MMS19: variants seen among roughly 807,000 people sequenced by gnomAD.
MMS19 encodes the protein MMS19 cytosolic iron-sulfur assembly component, also known as MMS19 nucleotide excision repair protein homolog.
MMS19 carries 77 observed loss-of-function variants against 129.8 expected under a neutral mutation model. The observed-to-expected ratio is 0.59, with a 90% CI of 0.49 to 0.72. The LOEUF (loss-of-function observed/expected upper bound fraction) is 0.72. Ranked by LOEUF, MMS19 falls within the 30% of genes least tolerant of loss-of-function variation. The pLI, the probability that MMS19 is intolerant of heterozygous loss-of-function variation, is 0.00. For synonymous variants in MMS19, 491 were observed against 502.8 expected (o/e 0.98, Z 0.31); for missense variants, 1,168 against 1,266.3 (o/e 0.92, Z 1.18).
In MMS19 at chr10:97,470,196, A is replaced by G. The variant is rs1217945457; in HGVS notation, c.779T>C (p.Leu260Pro). 2.5e-6 allele frequency: 4 copies of G among 1,605,578 alleles called. No homozygotes were observed. Among genetic ancestry groups the G allele is most frequent in the Non-Finnish European group, 3.4e-6 (4 of 1,175,770 alleles). The change falls in exon 10 of 31, where the codon CTG becomes CCG. Residue 260 changes from leucine to proline, a missense_variant. Physicochemically the swap from Leu to Pro is moderately conservative, Grantham distance 98. Coordinates refer to ENST00000438925, the MANE Select transcript of MMS19 (RefSeq NM_022362.5). The part of the protein sequence containing the change: ...ASTPRFAEFL[L>P]PLLIEKVDSE... ...ATCCACTTTCTCAATCAACAGGGGCAGCAGAAACTGTGGGACAGAAGGAAG... is the reference window on the plus strand; with the variant it reads ...ATCCACTTTCTCAATCAACAGGGGCGGCAGAAACTGTGGGACAGAAGGAAG...
At chr10:97,480,388 CA>C (rs1243979362) in intron 3 of MMS19, 4 of 436,888 alleles carry the variant, frequency 9.2e-6, no homozygotes, top group South Asian at 3.3e-5. Context: ...AAAAACAAAA[CA>C]AAAAAACCAG....
chr10:97,474,195 A>C (rs2035318171), intron 8 of MMS19, among the ~76,000 whole-genome samples: 1 of 151,884 alleles, frequency 6.6e-6, no homozygotes, highest in Non-Finnish European at 1.5e-5. Flanking sequence ...TGAGCATATA[A>C]GCATAGTGAA....
chr10:97,496,073 G>A (rs956060905), intron 1 of MMS19, among the ~76,000 whole-genome samples: 2 of 152,206 alleles, frequency 1.3e-5, no homozygotes. Flanking sequence ...GAGCCACTGT[G>A]CCCACCACCA....
chr10:97,469,460 C>A (rs887428494), intron 11 of MMS19, among the ~76,000 whole-genome samples, 186 bp downstream of exon 11: 1 of 152,204 alleles, frequency 6.6e-6, no homozygotes, highest in Non-Finnish European at 1.5e-5. Flanking sequence ...AAGCAGCTGA[C>A]CGTCACATAG....
Position 97,477,614 on chromosome 10 carries a change from G to C in MMS19, c.424-198C>G, listed in dbSNP as rs149861239. On this transcript the variant is annotated intron_variant, in intron 5 of 30. Coordinates refer to ENST00000438925, the MANE Select transcript of MMS19 (RefSeq NM_022362.5). ...TGGTGCCAATAATTCAAACCTGCCT[G>C]ACAGAGGGATGCCTTACTTTCTGTA... Among the ~76,000 whole-genome samples the C allele has an allele frequency of 9.2e-5, 14 of 152,318 alleles. No individual in the cohort carries two copies. The East Asian group carries it at 2.7e-3, about 29-fold the overall frequency.
At position 97,459,409 on chromosome 10, in the gene MMS19, C is replaced by T; in HGVS notation, c.2857G>A (p.Asp953Asn). 1 of 1,606,414 alleles carries T rather than the reference C, an allele frequency of 6.2e-7. No individual in the cohort carries two copies. The part of the protein sequence containing the change: ...EAPQVMSLHV[D>N]TLVTKFLNLS... ...TTCAGAAACTTGGTGACGAGGGTGT[C>T]CACGTGAAGACTCATGACTTGGGGT... Residue 953 changes from aspartate to asparagine, a missense_variant, in exon 28 of 31, where the codon GAC becomes AAC. Transcript: ENST00000438925.
chr10:97,465,670 G>C (rs1589603595), intron 18 of MMS19, 135 bp downstream of exon 18: 1 of 846,126 alleles, frequency 1.2e-6, no homozygotes, highest in East Asian at 2.5e-5. Context: ...GTTGGACGCA[G>C]GCATCAGTAT....
intron 3 of MMS19, among the ~76,000 whole-genome samples, chr10:97,479,173 A>G (rs1441683565): frequency 1.3e-5 from 2 of 151,596 alleles, no homozygotes; most frequent in Non-Finnish European, 2.9e-5. Flanking sequence ...ACTCTCCGCT[A>G]CTTAAAACCA....
chr10:97,467,007 A>AGG (rs1216518719), intron 14 of MMS19, 106 bp from the exon 15 acceptor site: 4 of 1,309,986 alleles, frequency 3.1e-6, no homozygotes, highest in Non-Finnish European at 4.2e-6. Flanking sequence ...TTTTGAGACA[A>AGG]GGCCTCTGTT....
chr10:97,482,948 G>A (rs1286891181), intron 2 of MMS19, among the ~76,000 whole-genome samples: 3 of 151,972 alleles, frequency 2.0e-5, no homozygotes, highest in Non-Finnish European at 4.4e-5. Flanking sequence ...TTTTAGTAGA[G>A]ATGGGGTTTC....
chr10:97,483,048 C>A (rs1488795813), intron 2 of MMS19, among the ~76,000 whole-genome samples: 1 of 151,980 alleles, frequency 6.6e-6, no homozygotes, highest in African/African-American at 2.4e-5. Flanking sequence ...GCATGAGCCA[C>A]CGCACCTGGC....
intron 1 of MMS19, among the ~76,000 whole-genome samples, chr10:97,489,260 T>C (rs2038456595): frequency 6.6e-6 from 1 of 152,216 alleles, no homozygotes. Flanking sequence ...CGTAGCATTG[T>C]TTTTAAAGGG....
intron 20 of MMS19, among the ~76,000 whole-genome samples, chr10:97,462,360 G>A (rs2032222091): frequency 1.3e-5 from 2 of 152,172 alleles, no homozygotes; most frequent in Admixed American, 1.3e-4. Context: ...TAATTCTTAA[G>A]CACATCTGCG....
chr10:97,469,137 G>T (rs1438016559), intron 11 of MMS19, 33 bp from the exon 12 acceptor site: 1 of 1,551,928 alleles, frequency 6.4e-7, no homozygotes. Context: ...CTACTGAGGT[G>T]AGCCTGCACC....
chr10:97,480,382 AC>A (rs752121254), intron 3 of MMS19: 25 of 439,386 alleles, frequency 5.7e-5, no homozygotes, highest in East Asian at 4.2e-4. Context: ...AACAAAAAAA[AC>A]AAAACAAAAA....
intron 1 of MMS19, among the ~76,000 whole-genome samples, chr10:97,495,102 A>T (rs539731877): frequency 6.6e-6 from 1 of 152,348 alleles, no homozygotes; most frequent in East Asian, 1.9e-4. Context: ...AGGGAACTCA[A>T]GCTGGGCCTT....
chr10:97,482,521 T>A (rs1248529239), intron 2 of MMS19, among the ~76,000 whole-genome samples: 1 of 151,582 alleles, frequency 6.6e-6, no homozygotes, highest in African/African-American at 2.4e-5. Flanking sequence ...TTGCTGGGGG[T>A]TGGGAAGAAG....
rs756454424 is a variant in MMS19, at chr10:97,470,135, C to G, written c.840G>C (p.Gln280His). ...AAGGAGAAAAATCACTCACCAGAGTCTGTAGAGAATCCAACTTGGCACTCA... is the reference window on the plus strand; with the variant it reads ...AAGGAGAAAAATCACTCACCAGAGTGTGTAGAGAATCCAACTTGGCACTCA... ...EVLSAKLDSL[Q>H]TLNACCAVYG... The change falls in exon 10 of 31, where the codon CAG (glutamine) becomes CAC (histidine). Residue 280 changes from glutamine (Q) to histidine (H), a missense_variant. Physicochemically the swap from Gln to His is conservative, Grantham distance 24. Coordinates refer to ENST00000438925, the MANE Select transcript of MMS19 (RefSeq NM_022362.5). The G allele has an allele frequency of 1.2e-6, 2 of 1,606,810 alleles. No homozygotes were observed. The highest frequency in any genetic ancestry group is 1.7e-5 in the Admixed American group (1 of 59,216).
At chr10:97,498,219 C>T in intron 1 of MMS19, 54 bp downstream of exon 1, 7 of 1,490,254 alleles carry the variant, frequency 4.7e-6, no homozygotes, top group Non-Finnish European at 6.2e-6. Context: ...TGTACTGAGG[C>T]CGCTCCCTCC....
Sources: allele counts gnomAD v4.1 joint callset (sites outside exome capture counted in the v4.1 genomes callset), GRCh38; gene constraint gnomAD v4.1.1; transcripts MANE v1.5; gene names NCBI Gene and HGNC (gene_info 2026-07-23, HGNC 2026-07-21).